The following CENPP variants were observed in gnomAD, a reference collection of about 807,000 sequenced individuals.
The protein encoded by CENPP is centromere protein P.
CENPP carries 24 observed loss-of-function variants against 35.6 expected under a neutral mutation model. The ratio of observed to expected loss-of-function variants is 0.67; its 90% CI spans 0.49 to 0.95. The LOEUF (loss-of-function observed/expected upper bound fraction) is 0.95, where lower values mean the gene tolerates loss of function less well. Among genes scored for constraint, CENPP ranks in the 40% least tolerant of loss-of-function variants. CENPP has a pLI of 0.00. For missense variants in CENPP, 332 were observed against 345.3 expected (o/e 0.96, Z 0.31); for synonymous variants, 120 against 125.5 (o/e 0.96, Z 0.29).
intron 5 of CENPP, among the ~76,000 whole-genome samples, chr9:92,441,251 AG>A (rs1844380033): frequency 6.6e-6 from 1 of 152,232 alleles, no homozygotes; most frequent in African/African-American, 2.4e-5. Context: ...AAACATCAAT[AG>A]AAAGTTTATA....
intron 5 of CENPP, among the ~76,000 whole-genome samples, chr9:92,438,948 C>T (rs1421742910): frequency 6.6e-6 from 1 of 152,236 alleles, no homozygotes; most frequent in East Asian, 1.9e-4. Context: ...GAGACTCCAT[C>T]TCAGTCAATC....
chr9:92,334,122 T>G (rs1840843986), intron 2 of CENPP, among the ~76,000 whole-genome samples: 1 of 45,536 alleles, frequency 2.2e-5, no homozygotes, highest in Non-Finnish European at 4.3e-5. Flanking sequence ...GAGAGTAGGG[T>G]TTTTTTTTTT....
intron 5 of CENPP, among the ~76,000 whole-genome samples, chr9:92,530,713 C>G (rs923099858): frequency 1.3e-5 from 2 of 151,712 alleles, no homozygotes; most frequent in African/African-American, 4.8e-5. Flanking sequence ...TCTTTTTTGA[C>G]TTTTTAGATT....
At chr9:92,514,849 CCCTCCTCCTCCTCAT>C (rs765316422) in intron 5 of CENPP, 8 of 1,611,610 alleles carry the variant, frequency 5.0e-6, no homozygotes, top group African/African-American at 1.3e-5. Context: ...ACCCTCCTCA[CCCTCCTCCTCCTCAT>C]CCTCCTCCTC....
chr9:92,417,332 A>T, intron 5 of CENPP: 1 of 1,614,042 alleles, frequency 6.2e-7, no homozygotes, highest in Non-Finnish European at 8.5e-7. Flanking sequence ...ATCACAGTAC[A>T]TTGATGATGG....
chr9:92,468,638 T>A (rs1031119893), intron 5 of CENPP, among the ~76,000 whole-genome samples: 1 of 152,244 alleles, frequency 6.6e-6, no homozygotes, highest in Non-Finnish European at 1.5e-5. Flanking sequence ...ACAGGTACCA[T>A]ATAAGGTGAT....
At chr9:92,511,870 T>G in intron 5 of CENPP, 1 of 565,380 alleles carries the variant, frequency 1.8e-6, no homozygotes, top group Non-Finnish European at 3.1e-6. Context: ...GAATTCAAAT[T>G]AGGGACATCA....
In CENPP at chr9:92,558,806, T is replaced by C. The variant is rs147588403; in HGVS notation, c.565-52508T>C. On this transcript the variant is annotated intron_variant, in intron 5 of 7. Coordinates refer to ENST00000375587, the MANE Select transcript of CENPP (RefSeq NM_001012267.3). ...TGAGCTCTCCTTGGGTGGGTCTTGC[T>C]GCGGCTGCTGTGGGGGATGGGGTGA... Among the ~76,000 whole-genome samples, 1,202 of 152,180 alleles carry C rather than the reference T, an allele frequency of 7.9e-3. 8 individuals carry two copies. The highest frequency in any genetic ancestry group is 0.014 in the Non-Finnish European group (954 of 67,990).
intron 3 of CENPP, among the ~76,000 whole-genome samples, chr9:92,345,341 C>T (rs1307520649): frequency 1.3e-5 from 2 of 151,550 alleles, no homozygotes; most frequent in Non-Finnish European, 2.9e-5. Flanking sequence ...AAAAATTAGC[C>T]GGGCGTGGTG....
chr9:92,543,399 G>A (rs1849357193), intron 5 of CENPP, among the ~76,000 whole-genome samples: 3 of 149,792 alleles, frequency 2.0e-5, no homozygotes, highest in African/African-American at 7.4e-5. Context: ...TTGAACCTGG[G>A]AGGTGGAGGT....
intron 5 of CENPP, among the ~76,000 whole-genome samples, chr9:92,432,726 A>G (rs1844144871): frequency 6.6e-6 from 1 of 152,260 alleles, no homozygotes; most frequent in African/African-American, 2.4e-5. Context: ...ATTAATTCAA[A>G]GTTTCTTCTA....
At position 92,613,766 on chromosome 9, in the gene CENPP, G is replaced by T. The variant is rs1361186805; in HGVS notation, c.*617G>T. ...AAAGACAGCACTGTTCCTGGGCTGG[G>T]ACGCAAGGAATGAGGTCCTTTATGA... On this transcript the variant is annotated 3_prime_UTR_variant, in exon 8 of 8. Transcript: ENST00000375587. 6.5e-6 allele frequency: 1 copy of T among 153,878 alleles called. No individual in the cohort carries two copies. The highest frequency in any genetic ancestry group is 1.4e-5 in the Non-Finnish European group (1 of 69,092). 9.5% of individuals were successfully genotyped at this position (153,878 alleles called of 1,614,324 possible).
chr9:92,477,268 G>A (rs1336835538), intron 5 of CENPP, among the ~76,000 whole-genome samples: 1 of 152,128 alleles, frequency 6.6e-6, no homozygotes, highest in Non-Finnish European at 1.5e-5. Flanking sequence ...ATATCACTTT[G>A]TCCCTGGCAC....
chr9:92,534,836 CATTGAA>C (rs1849068756), intron 5 of CENPP, among the ~76,000 whole-genome samples: 1 of 152,180 alleles, frequency 6.6e-6, no homozygotes, highest in Non-Finnish European at 1.5e-5. Context: ...GAAATGTATA[CATTGAA>C]ATTTTCTTGC....
intron 4 of CENPP, among the ~76,000 whole-genome samples, chr9:92,366,975 G>T (rs1474396745): frequency 6.6e-6 from 1 of 152,112 alleles, no homozygotes; most frequent in Non-Finnish European, 1.5e-5. Flanking sequence ...CAAAACGCAG[G>T]TGTACAACAC....
chr9:92,361,248 C>G (rs1225193909), intron 4 of CENPP, among the ~76,000 whole-genome samples: 1 of 151,322 alleles, frequency 6.6e-6, no homozygotes, highest in Non-Finnish European at 1.5e-5. Flanking sequence ...TCAAGTGATT[C>G]TCCAGCCTCA....
chr9:92,541,816 C>T (rs1468225493), intron 5 of CENPP, among the ~76,000 whole-genome samples: 1 of 151,634 alleles, frequency 6.6e-6, no homozygotes, highest in Non-Finnish European at 1.5e-5. Flanking sequence ...TTTTTTGAGA[C>T]GGAGTCTTGC....
At chr9:92,554,534 G>A (rs1466244966) in intron 5 of CENPP, among the ~76,000 whole-genome samples, 1 of 151,968 alleles carries the variant, frequency 6.6e-6, no homozygotes, top group Non-Finnish European at 1.5e-5. Flanking sequence ...ACCTGCATAT[G>A]TTAAACCATC....
chr9:92,580,198 G>T lies in CENPP; in HGVS notation c.565-31116G>T, dbSNP rs1215617220. Among the ~76,000 whole-genome samples the T allele has an allele frequency of 3.3e-4, 50 of 152,194 alleles. 1 individual carries two copies. The highest frequency in any genetic ancestry group is 2.2e-4 in the Non-Finnish European group (15 of 68,002). ...GCTTTTTCATGTGCTGCTGGATTCGGTTTGCCAGTATTTTATTGAGGATTT... is the reference window on the plus strand; with the variant it reads ...GCTTTTTCATGTGCTGCTGGATTCGTTTTGCCAGTATTTTATTGAGGATTT... On this transcript the variant is annotated intron_variant, in intron 5 of 7. Transcript: ENST00000375587.
Sources: gnomAD v4.1 joint callset for allele counts (sites outside exome capture counted in the v4.1 genomes callset) on GRCh38, gnomAD v4.1.1 for gene constraint, MANE v1.5 for transcripts, NCBI Gene and HGNC (gene_info 2026-07-23, HGNC 2026-07-21) for gene names.